RAD50: variants seen among roughly 807,000 people sequenced by gnomAD.
RAD50 encodes the protein RAD50 double strand break repair protein, also known as DNA repair protein RAD50.
A neutral mutation model predicts 168.8 loss-of-function variants in RAD50; 132 were observed. That is an observed-to-expected ratio of 0.78 (90% CI 0.68 to 0.90). RAD50 has a LOEUF of 0.90. Ranked by LOEUF, RAD50 falls within the 40% of genes least tolerant of loss-of-function variation. The pLI, the probability that RAD50 is intolerant of heterozygous loss-of-function variation, is 0.00. For synonymous variants in RAD50, 525 were observed against 497.4 expected (o/e 1.06, Z -0.74); for missense variants, 1,347 against 1,534.4 (o/e 0.88, Z 2.04).
chr5:132,581,672 C>G (rs555112202), intron 5 of RAD50, among the ~76,000 whole-genome samples: 109 of 152,138 alleles, frequency 7.2e-4, no homozygotes, highest in Non-Finnish European at 1.3e-3. Flanking sequence ...GAGGAAGAGT[C>G]TGGGTTAAGT....
chr5:132,608,205 A>G (rs1751017868), intron 16 of RAD50, among the ~76,000 whole-genome samples: 1 of 152,236 alleles, frequency 6.6e-6, no homozygotes, highest in African/African-American at 2.4e-5. Flanking sequence ...TTCTTTGATC[A>G]TGCAGCAGTG....
In RAD50 at chr5:132,559,309, T is replaced by C; in HGVS notation, c.155T>C (p.Ile52Thr). Reference protein sequence around the residue: ...KTTIIECLKYICTGDFPPGTK... With the variant: ...KTTIIECLKYTCTGDFPPGTK... ...ACCATCATTGAATGTCTAAAATATA[T>C]TTGTACTGGAGATTTCCCTCCTGGA... The change falls in exon 2 of 25, where the codon ATT (isoleucine) becomes ACT (threonine). Residue 52 changes from isoleucine (I) to threonine (T), a missense_variant. Ile to Thr is a moderately conservative substitution (Grantham distance 89, BLOSUM62 -1). Transcript: ENST00000378823. 2 of 1,607,682 alleles carry C rather than the reference T, an allele frequency of 1.2e-6. No individual in the cohort carries two copies. Among genetic ancestry groups the C allele is most frequent in the Non-Finnish European group, 1.7e-6 (2 of 1,176,844 alleles).
chr5:132,620,050 G>A lies in RAD50; in HGVS notation c.3389+1756G>A, dbSNP rs536934811. ...CTCCTGAGTAGCTGGGACTACAGGC[G>A]CCCGCCACTACGCCCGGCTAATTTT... On this transcript the variant is annotated intron_variant, in intron 21 of 24. Coordinates refer to ENST00000378823, the MANE Select transcript of RAD50 (RefSeq NM_005732.4). 4.6e-5 allele frequency among the ~76,000 whole-genome samples: 7 copies of A among 150,844 alleles called. No homozygotes were observed. The East Asian group carries it at 7.8e-4, about 17-fold the overall frequency.
chr5:132,575,050 C>G (rs1331556830), intron 2 of RAD50, among the ~76,000 whole-genome samples: 1 of 152,208 alleles, frequency 6.6e-6, no homozygotes, highest in Admixed American at 6.5e-5. Context: ...GTTCCAAAGT[C>G]GCTTTCACAT....
chr5:132,557,546 G>A (rs2149830288), intron 1 of RAD50, 93 bp downstream of exon 1: 1 of 1,554,572 alleles, frequency 6.4e-7, no homozygotes, highest in Non-Finnish European at 8.9e-7. Flanking sequence ...GAGCAGAAGC[G>A]TCCCTAGGGC....
At chr5:132,610,690 GC>G in intron 19 of RAD50, among the ~76,000 whole-genome samples, 1 of 152,022 alleles carries the variant, frequency 6.6e-6, no homozygotes, top group South Asian at 2.1e-4. Context: ...TCAAATCTCT[GC>G]CTGGCCTAAT....
intron 4 of RAD50, 102 bp downstream of exon 4, chr5:132,579,604 G>T (rs1315861808): frequency 8.0e-7 from 1 of 1,256,406 alleles, no homozygotes; most frequent in East Asian, 2.4e-5. Context: ...AAGCAGAAAG[G>T]TCATCAGTTA....
chr5:132,619,122 C>T (rs753452005), intron 21 of RAD50, among the ~76,000 whole-genome samples: 30 of 152,162 alleles, frequency 2.0e-4, no homozygotes, highest in African/African-American at 5.3e-4. Flanking sequence ...GACCACAATG[C>T]ATTCATTCTC....
At chr5:132,614,857 C>T (rs748629574) in intron 19 of RAD50, among the ~76,000 whole-genome samples, 1 of 151,926 alleles carries the variant, frequency 6.6e-6, no homozygotes, top group Admixed American at 6.6e-5. Flanking sequence ...AAAATAGTCA[C>T]GCATAGAGGG....
At chr5:132,634,588 AG>A (rs2149861486) in intron 21 of RAD50, among the ~76,000 whole-genome samples, 1 of 152,136 alleles carries the variant, frequency 6.6e-6, no homozygotes, top group East Asian at 1.9e-4. Context: ...AGGGATTTCC[AG>A]GACCTTATTT....
chr5:132,584,970 G>A (rs896644340), intron 5 of RAD50, among the ~76,000 whole-genome samples: 2 of 147,762 alleles, frequency 1.4e-5, no homozygotes, highest in African/African-American at 5.0e-5. Flanking sequence ...GAGGGAGGAG[G>A]GATAGCATTA....
intron 5 of RAD50, among the ~76,000 whole-genome samples, chr5:132,585,591 CTTTTTTTTTTT>C (rs1207946233): frequency 8.8e-6 from 1 of 113,584 alleles, no homozygotes; most frequent in Non-Finnish European, 1.9e-5. Context: ...TGTGAGAGTT[CTTTTTTTTTTT>C]TTTTTTTTTC....
intron 4 of RAD50, 153 bp from the exon 5 acceptor site, chr5:132,579,708 AT>A (rs1202800796): frequency 3.5e-6 from 3 of 866,862 alleles, no homozygotes; most frequent in Non-Finnish European, 5.4e-6. Context: ...TATAAATGTA[AT>A]TTTTTTCACT....
intron 13 of RAD50, among the ~76,000 whole-genome samples, chr5:132,602,546 T>C (rs1344561907): frequency 6.6e-6 from 1 of 152,066 alleles, no homozygotes; most frequent in Non-Finnish European, 1.5e-5. Flanking sequence ...GCTTCCTTCC[T>C]TTTTTTCCTG....
At chr5:132,583,825 C>G (rs755724111) in intron 5 of RAD50, among the ~76,000 whole-genome samples, 1 of 151,658 alleles carries the variant, frequency 6.6e-6, no homozygotes, top group Non-Finnish European at 1.5e-5. Context: ...TCCCAAGTAG[C>G]TGGGATTACA....
intron 21 of RAD50, among the ~76,000 whole-genome samples, chr5:132,624,693 G>GT (rs1439012087): frequency 6.6e-6 from 1 of 152,024 alleles, no homozygotes; most frequent in East Asian, 1.9e-4. Context: ...AAGTCCAGGA[G>GT]TTTGAGACCA....
rs567761303 is a variant in RAD50, at chr5:132,582,454, A to G, written c.756+2388A>G. 9.3e-4 allele frequency among the ~76,000 whole-genome samples: 141 copies of G among 152,268 alleles called. 2 individuals carry two copies. In the South Asian group the frequency reaches 0.027, roughly 30 times the overall value. On this transcript the variant is annotated intron_variant, in intron 5 of 24. Coordinates refer to ENST00000378823, the MANE Select transcript of RAD50 (RefSeq NM_005732.4). ...AAGATTCTTCCCTTCATAGAACCCA[A>G]TTAAAGTTTGGGTCAAATCACCTTC...
intron 21 of RAD50, among the ~76,000 whole-genome samples, chr5:132,618,732 A>G (rs1317877732): frequency 6.6e-6 from 1 of 152,172 alleles, no homozygotes; most frequent in Non-Finnish European, 1.5e-5. Flanking sequence ...ATTGGAAAAT[A>G]TATGTATGTA....
intron 15 of RAD50, 54 bp downstream of exon 15, chr5:132,604,100 A>G (rs1202595404): frequency 2.5e-6 from 4 of 1,598,136 alleles, no homozygotes; most frequent in Non-Finnish European, 3.4e-6. Flanking sequence ...TTGCGAGCAC[A>G]TGCCTTTTAC....
Sources: allele counts gnomAD v4.1 joint callset (sites outside exome capture counted in the v4.1 genomes callset), GRCh38; gene constraint gnomAD v4.1.1; transcripts MANE v1.5; gene names NCBI Gene and HGNC (gene_info 2026-07-23, HGNC 2026-07-21).